The following KIF19 variants were observed in gnomAD, a reference collection of about 807,000 sequenced individuals.
The protein encoded by KIF19 is kinesin-like protein KIF19.
KIF19 carries 98 observed loss-of-function variants against 106.6 expected under a neutral mutation model. That is an observed-to-expected ratio of 0.92 (90% confidence interval 0.78 to 1.09). KIF19 has a LOEUF of 1.09. KIF19 is among the 50% of genes least tolerant of loss of function. The pLI, the probability that KIF19 is intolerant of heterozygous loss-of-function variation, is 0.00. For missense variants in KIF19, 1,373 were observed against 1,414.3 expected (o/e 0.97, Z 0.47); for synonymous variants, 516 against 584.2 (o/e 0.88, Z 1.68).
Position 74,355,550 on chromosome 17 carries a change from T to G in KIF19, c.*238T>G, listed in dbSNP as rs1026588076. ...GGCCAGGACGGCTGGGCTCCCTGGC[T>G]TCCCAGCCCTGGACAGAATGCTGTT... On this transcript the variant is annotated 3_prime_UTR_variant, in exon 20 of 20. Transcript: ENST00000389916. The G allele has an allele frequency of 8.4e-6, 4 of 476,432 alleles. No individual in the cohort carries two copies. Among genetic ancestry groups the G allele is most frequent in the African/African-American group, 6.2e-5 (3 of 48,458 alleles). The allele number at this position is 476,432 out of a possible 1,614,324, so 29.5% of individuals were successfully genotyped here.
intron 2 of KIF19, among the ~76,000 whole-genome samples, chr17:74,330,467 T>A (rs369807160): frequency 3.9e-5 from 6 of 152,304 alleles, no homozygotes; most frequent in Admixed American, 1.3e-4. Context: ...AGAGGAGCCA[T>A]AGAGTTCAGG....
chr17:74,344,936 G>A lies in KIF19; in HGVS notation c.758G>A (p.Gly253Asp). ...CGCCTGTTCATGATCGACCTGGCTG[G>A]CTCAGAGCGCGCCTCGCAGGTGAGG... is the stretch of plus-strand genomic sequence containing the variant. ...QGRLFMIDLA[G>D]SERASQTQNR... is the part of the protein sequence containing the mutation. Residue 253 changes from glycine to aspartate, a missense_variant, in exon 7 of 20, where the codon GGC (glycine) becomes GAC (aspartate). By Grantham distance (94) the Gly-to-Asp change is moderately conservative. This residue lies in a region of KIF19 where 348 missense variants were observed against 389.5 expected (regional missense o/e 0.89). Transcript: ENST00000389916. 1 of 1,606,780 alleles carries A rather than the reference G, an allele frequency of 6.2e-7. No homozygotes were observed. The highest frequency in any genetic ancestry group is 8.5e-7 in the Non-Finnish European group (1 of 1,178,308).
Position 74,346,395 on chromosome 17 carries a change from G to C in KIF19, c.795G>C (p.Gln265His). 6.3e-7 allele frequency: 1 copy of C among 1,576,022 alleles called. No individual in the cohort carries two copies. Among genetic ancestry groups the C allele is most frequent in the Non-Finnish European group, 8.6e-7 (1 of 1,161,120 alleles). ...CCCCCTAGACACAGAATCGTGGGCA[G>C]CGTATGAAGGAGGGGGCCCACATCA... ...ERASQTQNRGQRMKEGAHINR... is the reference protein window; with the variant it reads ...ERASQTQNRGHRMKEGAHINR... Residue 265 changes from glutamine to histidine, a missense_variant, in exon 8 of 20, where the codon CAG (glutamine) becomes CAC (histidine). Around this residue, in one of 3 missense-constraint regions of KIF19, gnomAD observed 348 missense variants for 389.5 expected, o/e 0.89. Coordinates refer to ENST00000389916, the MANE Select transcript of KIF19 (RefSeq NM_153209.4). This position sits in a 1 kb window ranked among gnomAD's most constrained non-coding sequence, Gnocchi z 4.6.
intron 2 of KIF19, among the ~76,000 whole-genome samples, chr17:74,337,366 G>A (rs916252000): frequency 6.6e-6 from 1 of 151,926 alleles, no homozygotes; most frequent in East Asian, 1.9e-4. Flanking sequence ...GGTGGGTGGG[G>A]CATGCGTGTG....
intron 2 of KIF19, among the ~76,000 whole-genome samples, chr17:74,330,867 A>G (rs2144196556): frequency 6.6e-6 from 1 of 152,192 alleles, no homozygotes; most frequent in African/African-American, 2.4e-5. Flanking sequence ...GGCACTGAGG[A>G]GAGCTCTCCA....
chr17:74,341,429 G>C (rs9913166), intron 2 of KIF19, among the ~76,000 whole-genome samples: 7,330 of 152,324 alleles, frequency 0.048, 243 homozygotes, highest in African/African-American at 0.087. Flanking sequence ...CTCTCTGGCA[G>C]AGGCAGCATG....
Position 74,349,271 on chromosome 17 carries a change from A to C in KIF19, c.1135A>C (p.Lys379Gln), listed in dbSNP as rs768416858. The change falls in exon 10 of 20, where the codon AAG becomes CAG. Residue 379 changes from lysine (K) to glutamine (Q), a missense_variant. Physicochemically the swap from Lys to Gln is moderately conservative, Grantham distance 53. Around this residue, in one of 3 missense-constraint regions of KIF19, gnomAD observed 1,020 missense variants for 1,008.2 expected, o/e 1.01. Coordinates refer to ENST00000389916, the MANE Select transcript of KIF19 (RefSeq NM_153209.4). Reference protein sequence around the residue: ...ADLRGEIQRLKRKIDEQTGRG... With the variant: ...ADLRGEIQRLQRKIDEQTGRG... ...CCTGCGGGGCGAGATCCAGCGACTCAAGCGCAAGATTGATGAGCAGACTGG... is the reference window on the plus strand; with the variant it reads ...CCTGCGGGGCGAGATCCAGCGACTCCAGCGCAAGATTGATGAGCAGACTGG... The C allele has an allele frequency of 2.5e-6, 4 of 1,613,286 alleles. No homozygotes were observed. The African/African-American group carries it at 5.3e-5, about 22-fold the overall frequency.
At chr17:74,337,885 C>T (rs1481912885) in intron 2 of KIF19, among the ~76,000 whole-genome samples, 2 of 152,212 alleles carry the variant, frequency 1.3e-5, no homozygotes, top group African/African-American at 4.8e-5. Context: ...ACAAGGGCTC[C>T]ATTGTGTGCT....
intron 12 of KIF19, among the ~76,000 whole-genome samples, chr17:74,351,535 A>T (rs1350743972): frequency 6.6e-6 from 1 of 152,002 alleles, no homozygotes; most frequent in Non-Finnish European, 1.5e-5. Context: ...CCAATAACAG[A>T]TCTTTGCCTT....
intron 14 of KIF19, 57 bp downstream of exon 14, chr17:74,352,397 T>G (rs1245178912): frequency 1.3e-6 from 2 of 1,549,276 alleles, no homozygotes; most frequent in African/African-American, 2.7e-5. Context: ...GAGGGGCTGA[T>G]GACCAAGGCA....
At chr17:74,340,159 G>A (rs1286258343) in intron 2 of KIF19, among the ~76,000 whole-genome samples, 3 of 152,206 alleles carry the variant, frequency 2.0e-5, no homozygotes, top group South Asian at 4.1e-4. Flanking sequence ...TACCAGGCCC[G>A]ACCACCAATA....
At position 74,354,406 on chromosome 17, in the gene KIF19, C is replaced by T. The variant is rs776457963; in HGVS notation, c.2553C>T (p.Gly851=). The part of the protein sequence containing the change: ...ASEDNLSSST[G]EAPSRAVGHH... ...AGGACAACCTGTCCAGCAGCACGGG[C>T]GAGGCCCCGTCCCGGGCAGTCGGAC... Residue 851 remains glycine, a synonymous_variant, in exon 18 of 20, where the codon GGC becomes GGT. Transcript: ENST00000389916. The T allele has an allele frequency of 6.8e-6, 11 of 1,610,730 alleles. No homozygotes were observed. The highest frequency in any genetic ancestry group is 1.7e-5 in the Admixed American group (1 of 59,746).
At chr17:74,336,897 C>T (rs1352624483) in intron 2 of KIF19, among the ~76,000 whole-genome samples, 1 of 152,230 alleles carries the variant, frequency 6.6e-6, no homozygotes, top group Non-Finnish European at 1.5e-5. Context: ...ACAATCTTGG[C>T]TCACTGCAAC....
In KIF19 at chr17:74,342,678, T is replaced by G; in HGVS notation, c.280T>G (p.Ser94Ala). Residue 94 changes from serine (S) to alanine (A), a missense_variant, in exon 4 of 20, where the codon TCA (serine) becomes GCA (alanine). By Grantham distance (99) the Ser-to-Ala change is moderately conservative. Transcript: ENST00000389916. ...CAAGAGCCTCATCGAGGGCGTCATC[T>G]CAGGCTACAATGCCACTGTCTTTGC... ...TTKSLIEGVI[S>A]GYNATVFAYG... is the part of the protein sequence containing the mutation. 1 of 1,613,618 alleles carries G rather than the reference T, an allele frequency of 6.2e-7. No individual in the cohort carries two copies. Among genetic ancestry groups the G allele is most frequent in the Non-Finnish European group, 8.5e-7 (1 of 1,179,828 alleles).
intron 2 of KIF19, among the ~76,000 whole-genome samples, chr17:74,339,297 T>C (rs979090427): frequency 1.3e-5 from 2 of 150,800 alleles, no homozygotes; most frequent in African/African-American, 5.0e-5. Flanking sequence ...GCCCCAGTCC[T>C]GGCTCTGCCA....
At position 74,346,288 on chromosome 17, in the gene KIF19, T is replaced by G; in HGVS notation, c.778-90T>G. Reference sequence around the variant, plus strand: ...GTCCTTGGGGGTTTATTACCCAGGATCACCAGGTCATTCATTGGTGGGGTG... The same window carrying G: ...GTCCTTGGGGGTTTATTACCCAGGAGCACCAGGTCATTCATTGGTGGGGTG... On this transcript the variant is annotated intron_variant, in intron 7 of 19. Coordinates refer to ENST00000389916, the MANE Select transcript of KIF19 (RefSeq NM_153209.4). The surrounding 1 kb of genome is among the most constrained non-coding windows in gnomAD (Gnocchi z 4.6). 1 of 1,401,206 alleles carries G rather than the reference T, an allele frequency of 7.1e-7. No homozygotes were observed. The allele number at this position is 1,401,206 out of a possible 1,614,324, so 86.8% of individuals were successfully genotyped here. A position where few individuals can be genotyped will look rare whatever the true frequency, so the allele number is the denominator to read the frequency against.
rs2054783169 is a variant in KIF19, at chr17:74,353,563, A to G, written c.2290A>G (p.Ile764Val). The change falls in exon 17 of 20, where the codon ATC becomes GTC. Residue 764 changes from isoleucine to valine, a missense_variant. Transcript: ENST00000389916. Reference protein sequence around the residue: ...SPDSSENLSEIPLSHKERKEI... With the variant: ...SPDSSENLSEVPLSHKERKEI... Reference sequence around the variant, plus strand: ...TGACAGCAGTGAGAACCTGTCGGAGATCCCCTTGTCCCACAAAGGTATGTG... The same window carrying G: ...TGACAGCAGTGAGAACCTGTCGGAGGTCCCCTTGTCCCACAAAGGTATGTG... The G allele has an allele frequency of 1.9e-6, 3 of 1,613,644 alleles. No individual in the cohort carries two copies. Among genetic ancestry groups the G allele is most frequent in the Non-Finnish European group, 2.5e-6 (3 of 1,179,794 alleles).
At position 74,331,877 on chromosome 17, in the gene KIF19, G is replaced by A. The variant is rs550556821; in HGVS notation, c.120+3372G>A. ...CAGGTGTGAGCCACTGTGCCCAGCCGGTTTGGATTTTTAATGGGGATAGTC... is the reference window on the plus strand; with the variant it reads ...CAGGTGTGAGCCACTGTGCCCAGCCAGTTTGGATTTTTAATGGGGATAGTC... On this transcript the variant is annotated intron_variant, in intron 2 of 19. Transcript: ENST00000389916. The surrounding 1 kb of genome is among the most constrained non-coding windows in gnomAD (Gnocchi z 4.1). 2.3e-4 allele frequency among the ~76,000 whole-genome samples: 35 copies of A among 152,124 alleles called. No individual in the cohort carries two copies. In the South Asian group the frequency reaches 6.9e-3, roughly 30 times the overall value.
intron 2 of KIF19, among the ~76,000 whole-genome samples, chr17:74,338,896 G>A (rs540539296): frequency 8.6e-5 from 13 of 152,002 alleles, no homozygotes; most frequent in South Asian, 8.3e-4. Flanking sequence ...ACCCCAGAGC[G>A]GCCACCCCTC....
Sources: gnomAD v4.1 joint callset for allele counts (sites outside exome capture counted in the v4.1 genomes callset) on GRCh38, gnomAD v4.1.1 for gene constraint, gnomAD v4.1.1 regional missense constraint, Gnocchi (gnomAD v3.1) non-coding constraint, MANE v1.5 for transcripts, NCBI Gene and HGNC (gene_info 2026-07-23, HGNC 2026-07-21) for gene names.